The following TRDN variants were observed in gnomAD, a reference collection of about 807,000 sequenced individuals.
The protein encoded by TRDN is triadin, also known as triadin in skeletal muscle.
TRDN carries 161 observed loss-of-function variants against 149.7 expected under a neutral mutation model. The ratio of observed to expected loss-of-function variants is 1.08; its 90% CI spans 0.95 to 1.23. TRDN has a LOEUF of 1.23. TRDN is among the 50% of genes most tolerant of loss of function. The pLI, the probability that TRDN is intolerant of heterozygous loss-of-function variation, is 0.00. For synonymous variants in TRDN, 294 were observed against 250.5 expected (o/e 1.17, Z -1.64); for missense variants, 896 against 823.5 (o/e 1.09, Z -1.08).
Position 123,368,528 on chromosome 6 carries a change from T to A in TRDN, c.1274-2346A>T, listed in dbSNP as rs190241532. Among the ~76,000 whole-genome samples, 69 of 152,260 alleles carry A rather than the reference T, an allele frequency of 4.5e-4. 1 individual carries two copies. The East Asian group carries it at 0.012, about 26-fold the overall frequency. On this transcript the variant is annotated intron_variant, in intron 19 of 40. Coordinates refer to ENST00000334268, the MANE Select transcript of TRDN (RefSeq NM_006073.4). ...ATGAGTCTGGCGTGAGCCCTGAGTA[T>A]TGGTATATTTTTAAGATTTCCAGGA... is the stretch of plus-strand genomic sequence containing the variant.
Position 123,460,352 on chromosome 6 carries a change from T to A in TRDN, c.931+4554A>T, listed in dbSNP as rs552612418. Among the ~76,000 whole-genome samples the A allele has an allele frequency of 3.8e-4, 58 of 152,318 alleles. 2 individuals are homozygous for A. In the South Asian group the frequency reaches 0.012, roughly 32 times the overall value. ...TTTATATGTATAAGAAATTTCCTGA[T>A]GTAAAAAATATTAACAGCAACCAAT... On this transcript the variant is annotated intron_variant, in intron 10 of 40. Transcript: ENST00000334268.
intron 1 of TRDN, among the ~76,000 whole-genome samples, chr6:123,611,258 G>T (rs143433613): frequency 2.0e-5 from 3 of 151,988 alleles, no homozygotes; most frequent in African/African-American, 7.3e-5. Context: ...ATGCAAATGC[G>T]AATACTTTTG....
At chr6:123,502,660 G>A (rs1311107784) in intron 8 of TRDN, 6 of 984,434 alleles carry the variant, frequency 6.1e-6, no homozygotes, top group Non-Finnish European at 7.2e-6. Flanking sequence ...ATTAATTTCA[G>A]TTTCATCCTC....
chr6:123,261,310 G>A (rs1285145609), intron 33 of TRDN, among the ~76,000 whole-genome samples: 1 of 151,790 alleles, frequency 6.6e-6, no homozygotes, highest in Non-Finnish European at 1.5e-5. Flanking sequence ...TGTCAGAAAT[G>A]CAATTGAGTG....
At chr6:123,369,834 T>A (rs548182361) in intron 19 of TRDN, among the ~76,000 whole-genome samples, 59 of 152,294 alleles carry the variant, frequency 3.9e-4, no homozygotes, top group Non-Finnish European at 6.8e-4. Context: ...AAGGCCTTTG[T>A]TCTTGCCAGT....
chr6:123,281,511 T>C (rs73551211), intron 24 of TRDN, among the ~76,000 whole-genome samples: 6 of 152,188 alleles, frequency 3.9e-5, no homozygotes, highest in African/African-American at 1.4e-4. Flanking sequence ...GGAGATTCTC[T>C]CCAGTGGTAG....
chr6:123,579,851 A>G (rs1783035739), intron 1 of TRDN, among the ~76,000 whole-genome samples: 1 of 152,186 alleles, frequency 6.6e-6, no homozygotes, highest in Admixed American at 6.5e-5. Context: ...ATAGTTTTAT[A>G]AGGGGCTCTG....
At chr6:123,431,480 A>AATTGG (rs1409609857) in intron 12 of TRDN, among the ~76,000 whole-genome samples, 1 of 152,160 alleles carries the variant, frequency 6.6e-6, no homozygotes, top group African/African-American at 2.4e-5. Context: ...TAACAATACC[A>AATTGG]ATTGGATGCA....
At chr6:123,354,222 A>G (rs1780574541) in intron 20 of TRDN, among the ~76,000 whole-genome samples, 1 of 151,852 alleles carries the variant, frequency 6.6e-6, no homozygotes, top group African/African-American at 2.4e-5. Context: ...TTTAGAGTGC[A>G]CAGTCCAGTT....
intron 24 of TRDN, among the ~76,000 whole-genome samples, chr6:123,313,332 A>G (rs1294831906): frequency 6.6e-6 from 1 of 151,782 alleles, no homozygotes; most frequent in Non-Finnish European, 1.5e-5. Context: ...CTTGCTGGAG[A>G]GGTGATATAG....
intron 5 of TRDN, among the ~76,000 whole-genome samples, chr6:123,519,127 C>T (rs1360717878): frequency 6.6e-6 from 1 of 152,142 alleles, no homozygotes; most frequent in Non-Finnish European, 1.5e-5. Flanking sequence ...CTTCTTGCAC[C>T]TGCTAGAGTT....
intron 1 of TRDN, among the ~76,000 whole-genome samples, chr6:123,622,475 C>A (rs1785448985): frequency 1.3e-5 from 2 of 152,152 alleles, no homozygotes; most frequent in South Asian, 4.1e-4. Flanking sequence ...GAATTTTCGA[C>A]TGGTAAGTCG....
chr6:123,376,463 C>G (rs1277831158), intron 18 of TRDN, among the ~76,000 whole-genome samples: 1 of 152,078 alleles, frequency 6.6e-6, no homozygotes, highest in African/African-American at 2.4e-5. Flanking sequence ...TCTTCCTTCA[C>G]TCAATAAGCC....
intron 12 of TRDN, among the ~76,000 whole-genome samples, chr6:123,410,042 T>A (rs1773367686): frequency 6.6e-6 from 1 of 152,126 alleles, no homozygotes; most frequent in Non-Finnish European, 1.5e-5. Context: ...CAGAGAAAGA[T>A]CAGGAAAGAC....
chr6:123,402,959 G>A (rs868868554), intron 12 of TRDN, among the ~76,000 whole-genome samples: 8 of 152,100 alleles, frequency 5.3e-5, no homozygotes, highest in South Asian at 2.1e-4. Context: ...AGTTTGAAGC[G>A]ATGGTACAAA....
intron 2 of TRDN, among the ~76,000 whole-genome samples, chr6:123,559,081 A>G (rs973041262): frequency 1.4e-4 from 21 of 152,198 alleles, no homozygotes; most frequent in African/African-American, 5.1e-4. Context: ...TCCTTCCCAG[A>G]TCTTCTTGGC....
intron 22 of TRDN, among the ~76,000 whole-genome samples, chr6:123,337,333 C>A (rs910735687): frequency 6.6e-6 from 1 of 151,904 alleles, no homozygotes; most frequent in Non-Finnish European, 1.5e-5. Context: ...ATATTCTTTA[C>A]TTCCCTTCTA....
intron 33 of TRDN, among the ~76,000 whole-genome samples, chr6:123,261,993 CAT>C (rs1255724266): frequency 1.3e-5 from 2 of 151,886 alleles, no homozygotes; most frequent in Non-Finnish European, 2.9e-5. Context: ...GGTATTAAAA[CAT>C]ATAAATACAA....
chr6:123,388,650 G>A, intron 13 of TRDN, 99 bp from the exon 14 acceptor site: 2 of 1,356,048 alleles, frequency 1.5e-6, no homozygotes, highest in East Asian at 5.0e-5. Context: ...TAAATTCAGT[G>A]GTCACCTATA....
Sources: gnomAD v4.1 joint callset for allele counts (sites outside exome capture counted in the v4.1 genomes callset) on GRCh38, gnomAD v4.1.1 for gene constraint, MANE v1.5 for transcripts, NCBI Gene and HGNC (gene_info 2026-07-23, HGNC 2026-07-21) for gene names.